DNAH7: variants seen among roughly 807,000 people sequenced by gnomAD.
The protein encoded by DNAH7 is dynein axonemal heavy chain 7.
In DNAH7, 397 loss-of-function variants were observed where a neutral mutation model predicts 444.6. The observed-to-expected ratio is 0.89, with a 90% CI of 0.82 to 0.97. DNAH7 has a LOEUF of 0.97. Ranked by LOEUF, DNAH7 falls within the 50% of genes least tolerant of loss-of-function variation. DNAH7 has a pLI of 0.00. For missense variants in DNAH7, 4,902 were observed against 4,800.8 expected (o/e 1.02, Z -0.62); for synonymous variants, 1,636 against 1,624.4 (o/e 1.01, Z -0.17).
At chr2:195,793,687 A>T (rs917354169) in intron 57 of DNAH7, among the ~76,000 whole-genome samples, 13 of 152,214 alleles carry the variant, frequency 8.5e-5, no homozygotes, top group African/African-American at 2.9e-4. Context: ...TTTGATGTGC[A>T]CTTAAAACAA....
chr2:195,853,960 A>C, intron 45 of DNAH7, among the ~76,000 whole-genome samples: 1 of 152,164 alleles, frequency 6.6e-6, no homozygotes, highest in East Asian at 1.9e-4. Flanking sequence ...GGTTTTAATA[A>C]TTTATGATTA....
intron 8 of DNAH7, among the ~76,000 whole-genome samples, chr2:196,021,834 T>C (rs1449275322): frequency 7.0e-6 from 1 of 142,170 alleles, no homozygotes; most frequent in Non-Finnish European, 1.5e-5. Context: ...AAATTACAAA[T>C]GAAAAAAGGA....
At chr2:195,882,997 A>AT (rs1273726687) in intron 35 of DNAH7, among the ~76,000 whole-genome samples, 5 of 151,808 alleles carry the variant, frequency 3.3e-5, no homozygotes, top group African/African-American at 7.2e-5. Flanking sequence ...ACAGCAGAGA[A>AT]TTTTTTTTTC....
intron 59 of DNAH7, among the ~76,000 whole-genome samples, 171 bp from the exon 60 acceptor site, chr2:195,776,154 A>G (rs1559087449): frequency 1.3e-5 from 2 of 152,158 alleles, no homozygotes; most frequent in South Asian, 4.1e-4. Flanking sequence ...TTAAAAAAAA[A>G]TATGAACAGC....
At chr2:196,007,914 A>G (rs1694482839) in intron 10 of DNAH7, among the ~76,000 whole-genome samples, 1 of 152,178 alleles carries the variant, frequency 6.6e-6, no homozygotes, top group Non-Finnish European at 1.5e-5. Flanking sequence ...ACAAACAACC[A>G]AAGAAAAAAC....
rs1391559390 is a variant in DNAH7, at chr2:195,864,479, C to A, written c.7176G>T (p.Met2392Ile). 1 of 1,614,214 alleles carries A rather than the reference C, an allele frequency of 6.2e-7. No homozygotes were observed. The highest frequency in any genetic ancestry group is 8.5e-7 in the Non-Finnish European group (1 of 1,180,040). ...VILRKCAEGE[M>I]QGVFLFTDTQ... ...TATCTGTAAACAGGAAGACACCCTG[C>A]ATCTCACCTTCCGCACATTTCCTTA... is the stretch of plus-strand genomic sequence containing the variant. Residue 2392 changes from methionine to isoleucine, a missense_variant, in exon 41 of 65, where the codon ATG becomes ATT. Physicochemically the swap from Met to Ile is conservative, Grantham distance 10 (BLOSUM62 1). Transcript: ENST00000312428.
chr2:195,834,388 G>T, intron 47 of DNAH7, 28 bp from the exon 48 acceptor site: 1 of 1,570,336 alleles, frequency 6.4e-7, no homozygotes, highest in South Asian at 1.1e-5. Flanking sequence ...GACGATGCTG[G>T]TCAAGCCATG....
At chr2:196,012,685 T>A in intron 10 of DNAH7, 102 bp downstream of exon 10, 1 of 1,209,464 alleles carries the variant, frequency 8.3e-7, no homozygotes, top group Non-Finnish European at 1.2e-6. Flanking sequence ...TAGAAATGAT[T>A]TAAAACATTA....
chr2:196,045,658 T>G (rs1365680490), intron 5 of DNAH7, among the ~76,000 whole-genome samples: 1 of 152,112 alleles, frequency 6.6e-6, no homozygotes, highest in Non-Finnish European at 1.5e-5. Context: ...GGTCTTTGTG[T>G]GTTATTCAGA....
At chr2:195,815,458 A>G (rs1697176235) in intron 51 of DNAH7, among the ~76,000 whole-genome samples, 1 of 152,216 alleles carries the variant, frequency 6.6e-6, no homozygotes, top group Non-Finnish European at 1.5e-5. Context: ...AAGTCTAAGA[A>G]CACTCAAAAT....
intron 10 of DNAH7, among the ~76,000 whole-genome samples, chr2:196,004,698 C>T (rs1018218688): frequency 5.3e-5 from 8 of 151,694 alleles, no homozygotes; most frequent in Admixed American, 1.3e-4. Context: ...TGTAATAATC[C>T]CAGCACTTTG....
chr2:195,741,984 G>T (rs1220013276), intron 63 of DNAH7, among the ~76,000 whole-genome samples: 1 of 152,120 alleles, frequency 6.6e-6, no homozygotes, highest in Non-Finnish European at 1.5e-5. Flanking sequence ...ATAGAGTTGA[G>T]GGAAAGACTT....
chr2:196,022,363 C>T (rs1432208927), intron 8 of DNAH7, among the ~76,000 whole-genome samples: 1 of 152,222 alleles, frequency 6.6e-6, no homozygotes, highest in African/African-American at 2.4e-5. Context: ...TATTCGATAG[C>T]ACTGTACCCA....
intron 24 of DNAH7, among the ~76,000 whole-genome samples, chr2:195,913,094 A>G (rs922489373): frequency 6.6e-6 from 1 of 151,976 alleles, no homozygotes; most frequent in Non-Finnish European, 1.5e-5. Flanking sequence ...GAGCAACTTT[A>G]AAAAAAACAG....
chr2:195,947,802 T>C (rs1177992791), intron 19 of DNAH7, among the ~76,000 whole-genome samples: 1 of 152,220 alleles, frequency 6.6e-6, no homozygotes, highest in Non-Finnish European at 1.5e-5. Context: ...CCTGTGGGTA[T>C]ATACCCAGTA....
At chr2:195,989,259 T>G (rs1163087389) in intron 12 of DNAH7, among the ~76,000 whole-genome samples, 1 of 152,216 alleles carries the variant, frequency 6.6e-6, no homozygotes, top group Non-Finnish European at 1.5e-5. Flanking sequence ...TTGAGGAACC[T>G]CCTTACTGTT....
At chr2:195,903,523 T>C (rs1022551876) in intron 27 of DNAH7, 1 of 152,180 alleles carries the variant, frequency 6.6e-6, no homozygotes, top group African/African-American at 2.4e-5. Flanking sequence ...GATCATTGAC[T>C]ACTGATTCTT....
intron 57 of DNAH7, among the ~76,000 whole-genome samples, chr2:195,789,673 C>T (rs1695783907): frequency 6.6e-6 from 1 of 151,918 alleles, no homozygotes; most frequent in Admixed American, 6.6e-5. Flanking sequence ...CAAATGGCAT[C>T]ATGTGCCTCC....
chr2:195,751,069 G>A (rs888360350), intron 63 of DNAH7, among the ~76,000 whole-genome samples: 1 of 152,046 alleles, frequency 6.6e-6, no homozygotes, highest in Non-Finnish European at 1.5e-5. Context: ...AAATAACTTA[G>A]CAGAAGGTTG....
Sources: allele counts gnomAD v4.1 joint callset (sites outside exome capture counted in the v4.1 genomes callset), GRCh38; gene constraint gnomAD v4.1.1; transcripts MANE v1.5; gene names NCBI Gene and HGNC (gene_info 2026-07-23, HGNC 2026-07-21).